Variants in KIAA1549L observed in about 807,000 individuals in gnomAD.
KIAA1549L encodes KIAA1549 like.
Under a neutral mutation model 160.7 loss-of-function variants are expected in KIAA1549L, and 88 were observed. That is an observed-to-expected ratio of 0.55 (90% confidence interval 0.46 to 0.65). The LOEUF (loss-of-function observed/expected upper bound fraction) is 0.65. KIAA1549L is among the 30% of genes least tolerant of loss of function. KIAA1549L has a pLI of 0.00. For synonymous variants in KIAA1549L, 950 were observed against 976.7 expected, an observed-to-expected ratio of 0.97 and a Z score of 0.51; for missense variants, 2,258 against 2,437.5, an observed-to-expected ratio of 0.93 and a Z score of 1.55.
At chr11:33,403,335 ATG>A (rs1565121937) in intron 1 of KIAA1549L, 2 of 108,420 alleles carry the variant, frequency 1.8e-5, no homozygotes, top group East Asian at 2.3e-4. Context: ...GGACACACAC[ATG>A]CAGACACGCA....
chr11:33,516,024 C>T (rs1853335406), intron 1 of KIAA1549L, among the ~76,000 whole-genome samples: 1 of 152,216 alleles, frequency 6.6e-6, no homozygotes, highest in Non-Finnish European at 1.5e-5. Context: ...TGTACTACAG[C>T]ACCCAAGGCA....
chr11:33,428,290 C>T (rs150808989), intron 1 of KIAA1549L, among the ~76,000 whole-genome samples: 3 of 152,144 alleles, frequency 2.0e-5, no homozygotes, highest in Non-Finnish European at 2.9e-5. Context: ...TCTTTGTCAA[C>T]GTTTATAATT....
chr11:33,526,293 T>C (rs752269512), intron 1 of KIAA1549L, among the ~76,000 whole-genome samples: 3 of 152,180 alleles, frequency 2.0e-5, no homozygotes, highest in Non-Finnish European at 4.4e-5. Flanking sequence ...TTCTACCGCC[T>C]GCAACATCCT....
At chr11:33,434,893 A>G (rs1851324011) in intron 1 of KIAA1549L, among the ~76,000 whole-genome samples, 1 of 152,282 alleles carries the variant, frequency 6.6e-6, no homozygotes, top group Admixed American at 6.5e-5. Context: ...TGGCATGCAA[A>G]TGTCTCACCA....
intron 1 of KIAA1549L, among the ~76,000 whole-genome samples, chr11:33,522,862 A>G (rs1192741123): frequency 2.6e-5 from 4 of 151,892 alleles, no homozygotes; most frequent in Non-Finnish European, 4.4e-5. Flanking sequence ...TTGCGCCACT[A>G]AATTCCAGCC....
At chr11:33,435,787 T>TA (rs1851348042) in intron 1 of KIAA1549L, among the ~76,000 whole-genome samples, 1 of 11,010 alleles carries the variant, frequency 9.1e-5, no homozygotes, top group African/African-American at 6.5e-4. Context: ...TATATATATA[T>TA]ATATATATAT....
chr11:33,435,812 GTGTGTGTA>G (rs1246385175), intron 1 of KIAA1549L, among the ~76,000 whole-genome samples: 1,165 of 12,622 alleles, frequency 0.092, 162 homozygotes, highest in South Asian at 0.33. Context: ...ATATATATAT[GTGTGTGTA>G]TATATATATA....
intron 10 of KIAA1549L, among the ~76,000 whole-genome samples, chr11:33,581,150 A>G (rs1855629377): frequency 6.6e-6 from 1 of 152,158 alleles, no homozygotes; most frequent in Non-Finnish European, 1.5e-5. Context: ...AAGAGAAGCC[A>G]CAGGAGGGTT....
chr11:33,629,917 T>G (rs1428818151), intron 16 of KIAA1549L, among the ~76,000 whole-genome samples: 1 of 149,256 alleles, frequency 6.7e-6, no homozygotes, highest in Non-Finnish European at 1.5e-5. Context: ...TCTTTGTGGT[T>G]TTATCTACTT....
chr11:33,465,467 G>A (rs1388848129), intron 1 of KIAA1549L, among the ~76,000 whole-genome samples: 1 of 152,180 alleles, frequency 6.6e-6, no homozygotes, highest in African/African-American at 2.4e-5. Flanking sequence ...GCATGACCCA[G>A]TTGGAACACT....
At chr11:33,558,932 C>G (rs186102090) in intron 6 of KIAA1549L, among the ~76,000 whole-genome samples, 76 of 151,248 alleles carry the variant, frequency 5.0e-4, no homozygotes, top group African/African-American at 1.8e-3. Flanking sequence ...CTACTGGGTT[C>G]AAGCGATTCT....
At position 33,603,668 on chromosome 11, in the gene KIAA1549L, G is replaced by A. The variant is rs539575232; in HGVS notation, c.4880-2973G>A. ...CTAAAAATACAAAAATTAGCTGGGCGTGGTGGCGGGGCCTGTAATCCCAGC... is the reference window on the plus strand; with the variant it reads ...CTAAAAATACAAAAATTAGCTGGGCATGGTGGCGGGGCCTGTAATCCCAGC... On this transcript the variant is annotated intron_variant, in intron 13 of 20. Transcript: ENST00000658780. Among the ~76,000 whole-genome samples the A allele has an allele frequency of 1.5e-4, 23 of 152,172 alleles. 1 individual carries two copies. The highest frequency in any genetic ancestry group is 7.8e-4 in the Admixed American group (12 of 15,302).
chr11:33,570,494 A>G (rs542447865), intron 9 of KIAA1549L, among the ~76,000 whole-genome samples: 23 of 152,258 alleles, frequency 1.5e-4, no homozygotes, highest in African/African-American at 5.5e-4. Flanking sequence ...AAACTATTAG[A>G]TATTTGAATG....
At chr11:33,584,255 C>T (rs1366367886) in intron 11 of KIAA1549L, among the ~76,000 whole-genome samples, 1 of 152,200 alleles carries the variant, frequency 6.6e-6, no homozygotes, top group Non-Finnish European at 1.5e-5. Flanking sequence ...TTACAACAGC[C>T]CGAACTGACT....
At chr11:33,600,686 A>G (rs946480198) in intron 13 of KIAA1549L, among the ~76,000 whole-genome samples, 4 of 152,106 alleles carry the variant, frequency 2.6e-5, no homozygotes, top group African/African-American at 7.2e-5. Flanking sequence ...AACTCAATGT[A>G]TATCTTTCTC....
intron 1 of KIAA1549L, among the ~76,000 whole-genome samples, chr11:33,383,445 C>A (rs1367307058): frequency 6.6e-6 from 1 of 152,168 alleles, no homozygotes; most frequent in Non-Finnish European, 1.5e-5. Context: ...GATGGTGACT[C>A]TCTTTGGGGA....
At chr11:33,409,093 G>A (rs1003218545) in intron 1 of KIAA1549L, among the ~76,000 whole-genome samples, 2 of 152,064 alleles carry the variant, frequency 1.3e-5, no homozygotes, top group South Asian at 4.2e-4. Context: ...CTAGAGGGAG[G>A]GGGGACAGGT....
chr11:33,619,123 T>G (rs1418449894), intron 16 of KIAA1549L, among the ~76,000 whole-genome samples: 1 of 152,214 alleles, frequency 6.6e-6, no homozygotes, highest in Admixed American at 6.5e-5. Flanking sequence ...TTTGATAATT[T>G]CATGTGACAA....
At position 33,654,218 on chromosome 11, in the gene KIAA1549L, C is replaced by T. The variant is rs541131381; in HGVS notation, c.5761-1794C>T. Reference sequence around the variant, plus strand: ...CGATCTTCTGACATCGTGATCTGCCCGCCTCAGCCTCCCAAAGTGCTGGGA... The same window carrying T: ...CGATCTTCTGACATCGTGATCTGCCTGCCTCAGCCTCCCAAAGTGCTGGGA... On this transcript the variant is annotated intron_variant, in intron 17 of 20. Coordinates refer to ENST00000658780, the MANE Select transcript of KIAA1549L (RefSeq NM_012194.3). 6.8e-4 allele frequency among the ~76,000 whole-genome samples: 103 copies of T among 151,726 alleles called. 1 individual carries two copies. The South Asian group carries it at 0.014, about 20-fold the overall frequency.
Sources: gnomAD v4.1 joint callset for allele counts (sites outside exome capture counted in the v4.1 genomes callset) on GRCh38, gnomAD v4.1.1 for gene constraint, MANE v1.5 for transcripts, NCBI Gene and HGNC (gene_info 2026-07-23, HGNC 2026-07-21) for gene names.